PRKN: variants seen among roughly 807,000 people sequenced by gnomAD.
PRKN encodes the protein E3 ubiquitin-protein ligase parkin.
Under a neutral mutation model 59.5 loss-of-function variants are expected in PRKN, and 56 were observed. That is an observed-to-expected ratio of 0.94 (90% CI 0.76 to 1.18). The LOEUF (loss-of-function observed/expected upper bound fraction) is 1.18. Ranked by LOEUF, PRKN falls within the 50% of genes most tolerant of loss-of-function variation. The pLI is 0.00. For missense variants in PRKN, 657 were observed against 596.4 expected (o/e 1.10, Z -1.06); for synonymous variants, 250 against 222.1 (o/e 1.13, Z -1.12).
intron 1 of PRKN, among the ~76,000 whole-genome samples, chr6:162,703,656 C>T (rs1309839853): frequency 6.6e-6 from 1 of 152,166 alleles, no homozygotes; most frequent in Non-Finnish European, 1.5e-5. Flanking sequence ...CATACTATCC[C>T]CATTTTGTAG....
Position 161,444,431 on chromosome 6 carries a change from T to C in PRKN, c.1084-57554A>G, listed in dbSNP as rs1355585443. Among the ~76,000 whole-genome samples, 2 of 152,186 alleles carry C rather than the reference T, an allele frequency of 1.3e-5. No individual in the cohort carries two copies. Among genetic ancestry groups the C allele is most frequent in the East Asian group, 1.9e-4 (1 of 5,196 alleles). ...GTGTGAAGTCCTCAAGGTCATTAGA[T>C]CTCATGAATTTACTCCGGCATTTCC... On this transcript the variant is annotated intron_variant, in intron 9 of 11. Transcript: ENST00000366898. The surrounding 1 kb of genome is among the most constrained non-coding windows in gnomAD (Gnocchi z 5.6).
intron 6 of PRKN, among the ~76,000 whole-genome samples, chr6:161,899,417 C>A (rs936074120): frequency 3.3e-5 from 5 of 152,088 alleles, no homozygotes; most frequent in Non-Finnish European, 7.4e-5. Flanking sequence ...TTGGGAAAAA[C>A]CAAAAATAAT....
chr6:161,406,680 C>A (rs1193137301), intron 9 of PRKN, among the ~76,000 whole-genome samples: 1 of 152,150 alleles, frequency 6.6e-6, no homozygotes, highest in African/African-American at 2.4e-5. Flanking sequence ...CCAGTCATTT[C>A]CATTCTCTGC....
At chr6:162,373,612 G>A (rs796166152) in intron 2 of PRKN, among the ~76,000 whole-genome samples, 4 of 152,168 alleles carry the variant, frequency 2.6e-5, no homozygotes, top group African/African-American at 9.6e-5. Flanking sequence ...ACTGATGACT[G>A]CCTATGTAAT....
At chr6:162,112,941 C>T (rs1208847995) in intron 4 of PRKN, among the ~76,000 whole-genome samples, 1 of 152,068 alleles carries the variant, frequency 6.6e-6, no homozygotes, top group African/African-American at 2.4e-5. Context: ...GAAAACACAC[C>T]ATGACGTCCT....
rs377672066 is a variant in PRKN at position 162,092,846 on chromosome 6, A to C, written c.535-38672T>G. Among the ~76,000 whole-genome samples the C allele has an allele frequency of 9.8e-5, 15 of 152,296 alleles. 1 individual carries two copies. The highest frequency in any genetic ancestry group is 3.6e-4 in the African/African-American group (15 of 41,576). ...GAAGTAGAAAATTAGTCTTCTGGAG[A>C]CATATTATGATGGAGCCTTAAGATG... On this transcript the variant is annotated intron_variant, in intron 4 of 11. Transcript: ENST00000366898.
rs146203669 is a variant in PRKN at position 161,529,467 on chromosome 6, G to A, written c.1083+19387C>T. Among the ~76,000 whole-genome samples the A allele has an allele frequency of 0.01, 1,587 of 152,246 alleles. 43 individuals carry two copies. The highest frequency in any genetic ancestry group is 0.036 in the African/African-American group (1,513 of 41,526). ...AAGAGGCCTCCTTTTGTAGAGGAAC[G>A]GGAAACAGTGGCACAGGAAAGGTGA... On this transcript the variant is annotated intron_variant, in intron 9 of 11. Transcript: ENST00000366898. This position sits in a 1 kb window ranked among gnomAD's most constrained non-coding sequence, Gnocchi z 4.4.
At chr6:161,723,624 C>T (rs542430526) in intron 7 of PRKN, among the ~76,000 whole-genome samples, 22 of 152,180 alleles carry the variant, frequency 1.4e-4, no homozygotes, top group East Asian at 3.9e-4. Context: ...CTTTCTTTCA[C>T]GACTGTAGAC....
In PRKN at chr6:161,546,402, G is replaced by T. The variant is rs1183299133; in HGVS notation, c.1083+2452C>A. Among the ~76,000 whole-genome samples the T allele has an allele frequency of 6.6e-6, 1 of 152,082 alleles. No homozygotes were observed. ...GGAATTCCTTTAGCATTCAAGTTAG[G>T]TGAATATCCTTCTGTGAAAGTTTGG... On this transcript the variant is annotated intron_variant, in intron 9 of 11. Transcript: ENST00000366898. The surrounding 1 kb of genome is among the most constrained non-coding windows in gnomAD (Gnocchi z 4.4).
chr6:162,504,776 GGAA>G (rs1414781095), intron 1 of PRKN, among the ~76,000 whole-genome samples: 7 of 152,044 alleles, frequency 4.6e-5, no homozygotes, highest in African/African-American at 1.4e-4. Context: ...GCCACAAACT[GGAA>G]GAAGACACCA....
chr6:162,524,461 G>A (rs1490629588), intron 1 of PRKN, among the ~76,000 whole-genome samples: 1 of 152,194 alleles, frequency 6.6e-6, no homozygotes, highest in Non-Finnish European at 1.5e-5. Context: ...AGGACTAAGA[G>A]TGACCTGTCA....
rs572026413 is a variant in PRKN, at chr6:162,610,455, T to C, written c.7+117207A>G. On this transcript the variant is annotated intron_variant, in intron 1 of 11. Transcript: ENST00000366898. ...CACTATTCCAACATGGAAGCAACCA[T>C]GTCCTGCTACGATTCCTCACCAGGC... Among the ~76,000 whole-genome samples, 4 of 152,340 alleles carry C rather than the reference T, an allele frequency of 2.6e-5. No individual in the cohort carries two copies. In the East Asian group the frequency reaches 7.7e-4, roughly 29 times the overall value.
chr6:162,497,656 T>C (rs1293700159), intron 1 of PRKN, among the ~76,000 whole-genome samples: 1 of 152,222 alleles, frequency 6.6e-6, no homozygotes, highest in Non-Finnish European at 1.5e-5. Context: ...TCTGCAATGT[T>C]GAGCCGTGTC....
intron 7 of PRKN, among the ~76,000 whole-genome samples, chr6:161,619,421 G>T (rs375494188): frequency 6.6e-6 from 1 of 150,492 alleles, no homozygotes; most frequent in Non-Finnish European, 1.5e-5. Flanking sequence ...TTTTCAATAG[G>T]TCTATCAATA....
At chr6:161,532,160 CTCTCTCTATATATA>C (rs774931551) in intron 9 of PRKN, among the ~76,000 whole-genome samples, 78 of 62,474 alleles carry the variant, frequency 1.2e-3, no homozygotes, top group South Asian at 8.7e-4. Flanking sequence ...CTCTCTCTCT[CTCTCTCTATATATA>C]TATATATATA....
At chr6:161,430,850 T>TGCTG (rs1236765272) in intron 9 of PRKN, among the ~76,000 whole-genome samples, 1 of 139,412 alleles carries the variant, frequency 7.2e-6, no homozygotes, top group Non-Finnish European at 1.5e-5. Flanking sequence ...AAATACTGAA[T>TGCTG]GCTGGCCAGG....
chr6:162,568,897 T>C (rs1369745811), intron 1 of PRKN: 2 of 689,118 alleles, frequency 2.9e-6, no homozygotes, highest in Non-Finnish European at 5.3e-6. Context: ...TTTATCCTCA[T>C]CAGGAAGGAC....
chr6:161,880,821 C>G (rs1334406531), intron 6 of PRKN, among the ~76,000 whole-genome samples: 1 of 152,158 alleles, frequency 6.6e-6, no homozygotes, highest in Admixed American at 6.5e-5. Context: ...GCTTCCAAGA[C>G]AGCCGGAAAG....
At chr6:162,216,478 C>T (rs867742117) in intron 3 of PRKN, among the ~76,000 whole-genome samples, 32 of 134,124 alleles carry the variant, frequency 2.4e-4, no homozygotes, top group African/African-American at 8.8e-4. Context: ...TGCAGTGAGC[C>T]GAGATTGCGC....
Sources: allele counts gnomAD v4.1 joint callset (sites outside exome capture counted in the v4.1 genomes callset), GRCh38; gene constraint gnomAD v4.1.1; non-coding constraint Gnocchi (gnomAD v3.1); transcripts MANE v1.5; gene names NCBI Gene and HGNC (gene_info 2026-07-23, HGNC 2026-07-21).